PCDHGA8: variants seen among roughly 807,000 people sequenced by gnomAD.
The protein encoded by PCDHGA8 is protocadherin gamma subfamily A, 8.
PCDHGA8 carries 45 observed loss-of-function variants against 59.2 expected under a neutral mutation model. The observed-to-expected ratio is 0.76, with a 90% CI of 0.60 to 0.98. The LOEUF (loss-of-function observed/expected upper bound fraction) is 0.98, where lower values mean the gene tolerates loss of function less well. Among genes scored for constraint, PCDHGA8 ranks in the 50% least tolerant of loss-of-function variants. PCDHGA8 has a pLI of 0.00. For missense variants in PCDHGA8, 1,257 were observed against 1,196.2 expected (o/e 1.05, Z -0.75); for synonymous variants, 531 against 519.0 (o/e 1.02, Z -0.32).
chr5:141,396,725 T>A (rs1432052825), intron 1 of PCDHGA8: 2 of 152,198 alleles, frequency 1.3e-5, no homozygotes, highest in East Asian at 3.8e-4. Flanking sequence ...AATACCTGAA[T>A]TGATTGTTGT....
chr5:141,455,580 T>G (rs572453788), intron 1 of PCDHGA8, among the ~76,000 whole-genome samples: 26 of 152,142 alleles, frequency 1.7e-4, no homozygotes, highest in Middle Eastern at 3.2e-3. Context: ...ACCCCAGCCT[T>G]TTAATATGCA....
intron 1 of PCDHGA8, among the ~76,000 whole-genome samples, chr5:141,472,527 G>A (rs905459978): frequency 1.3e-5 from 2 of 151,468 alleles, no homozygotes; most frequent in African/African-American, 4.9e-5. Flanking sequence ...GTGACAGAGT[G>A]AGACACCATC....
Position 141,444,149 on chromosome 5 carries a change from T to C in PCDHGA8, c.2424+48912T>C, listed in dbSNP as rs180678850. On this transcript the variant is annotated intron_variant, in intron 1 of 3. Transcript: ENST00000398604. ...ACAGATATGTGTCACTTGTGTGTAC[T>C]GGATTTTTTTTTTTTTTTTTTTTTT... Among the ~76,000 whole-genome samples, 383 of 136,820 alleles carry C rather than the reference T, an allele frequency of 2.8e-3. 2 individuals carry two copies. Among genetic ancestry groups the C allele is most frequent in the Middle Eastern group, 0.012 (3 of 252 alleles). 89.8% of individuals were successfully genotyped at this position (136,820 alleles called of 152,430 possible). A position where few individuals can be genotyped will look rare whatever the true frequency, so the allele number is the denominator to read the frequency against.
intron 1 of PCDHGA8, among the ~76,000 whole-genome samples, chr5:141,407,707 G>C (rs894295431): frequency 1.3e-5 from 2 of 151,964 alleles, no homozygotes; most frequent in South Asian, 4.1e-4. Flanking sequence ...TTGAAGGTGG[G>C]GTGATGGCTA....
intron 1 of PCDHGA8, among the ~76,000 whole-genome samples, chr5:141,471,768 T>A (rs1203999329): frequency 6.6e-6 from 1 of 152,174 alleles, no homozygotes; most frequent in Non-Finnish European, 1.5e-5. Context: ...GGTCAAAAGA[T>A]GAGTTTGACA....
intron 1 of PCDHGA8, chr5:141,417,855 G>A: frequency 6.5e-7 from 1 of 1,544,918 alleles, no homozygotes. Context: ...GAACCCGAGC[G>A]AACGATGGGA....
chr5:141,478,454 A>T, intron 1 of PCDHGA8: 1 of 1,613,596 alleles, frequency 6.2e-7, no homozygotes. Flanking sequence ...TGGTGCAGCC[A>T]GTCCACTGGC....
rs201857404 is a variant in PCDHGA8, at chr5:141,485,844, G to C, written c.2425-8963G>C. The C allele has an allele frequency of 1.1e-5, 18 of 1,613,772 alleles. No homozygotes were observed. The highest frequency in any genetic ancestry group is 1.4e-5 in the Non-Finnish European group (16 of 1,179,956). ...GATGGAGGGAACCCGCCGAGATCTG[G>C]CACCGCAGAGCTCCGGGTATCCGTG... is the stretch of plus-strand genomic sequence containing the variant. On this transcript the variant is annotated intron_variant, in intron 1 of 3. Transcript: ENST00000398604. This position sits in a 1 kb window ranked among gnomAD's most constrained non-coding sequence, Gnocchi z 5.7.
At position 141,405,406 on chromosome 5, in the gene PCDHGA8, T is replaced by C. The variant is rs750140674; in HGVS notation, c.2424+10169T>C. On this transcript the variant is annotated intron_variant, in intron 1 of 3. Coordinates refer to ENST00000398604, the MANE Select transcript of PCDHGA8 (RefSeq NM_032088.2). ...GTTCATTTTTTTTCTTTCTTTCTTTTCTTTTTTTGTTTTTTGTTTTGTTTT... is the reference window on the plus strand; with the variant it reads ...GTTCATTTTTTTTCTTTCTTTCTTTCCTTTTTTTGTTTTTTGTTTTGTTTT... 1.2e-5 allele frequency: 19 copies of C among 1,584,070 alleles called. No individual in the cohort carries two copies. The Admixed American group carries it at 1.2e-4, about 10-fold the overall frequency.
At chr5:141,433,040 A>G in intron 1 of PCDHGA8, 1 of 1,614,086 alleles carries the variant, frequency 6.2e-7, no homozygotes, top group Non-Finnish European at 8.5e-7. Flanking sequence ...TTCCCTCACC[A>G]CGGACTCGCG....
Position 141,491,422 on chromosome 5 carries a change from G to A in PCDHGA8, c.2425-3385G>A. 1 of 1,614,112 alleles carries A rather than the reference G, an allele frequency of 6.2e-7. No individual in the cohort carries two copies. Among genetic ancestry groups the A allele is most frequent in the East Asian group, 2.2e-5 (1 of 44,874 alleles). On this transcript the variant is annotated intron_variant, in intron 1 of 3. Coordinates refer to ENST00000398604, the MANE Select transcript of PCDHGA8 (RefSeq NM_032088.2). The surrounding 1 kb of genome is among the most constrained non-coding windows in gnomAD (Gnocchi z 6.9). The stretch of plus-strand genomic sequence containing the variant: ...AAACGCAGACGGGGACGGGGGTGGA[G>A]GGCAGTGCTGCAGGCGCCAGGACTC...
Position 141,432,093 on chromosome 5 carries a change from CCAACGA to C in PCDHGA8, c.2424+36861_2424+36866del. 1.2e-6 allele frequency: 2 copies of C among 1,614,170 alleles called. No individual in the cohort carries two copies. The highest frequency in any genetic ancestry group is 1.7e-6 in the Non-Finnish European group (2 of 1,180,046). On this transcript the variant is annotated intron_variant, in intron 1 of 3. Coordinates refer to ENST00000398604, the MANE Select transcript of PCDHGA8 (RefSeq NM_032088.2). The surrounding 1 kb of genome is among the most constrained non-coding windows in gnomAD (Gnocchi z 6.0). ...CATATCTCGCTGAACGTGGCAGACA[CCAACGA>C]CAACCCGCCGGTCTTCCCTCAGGCC...
chr5:141,484,242 A>G (rs995022030), intron 1 of PCDHGA8, among the ~76,000 whole-genome samples: 1 of 152,216 alleles, frequency 6.6e-6, no homozygotes, highest in African/African-American at 2.4e-5. Flanking sequence ...TCTGGTCCTT[A>G]GCACCTCCCA....
rs745638360 is a variant in PCDHGA8, at chr5:141,410,529, A to G, written c.2424+15292A>G. Reference sequence around the variant, plus strand: ...AAATGCAGTGTGCCCCTACATTCCAATGAAGACATGGTTTGCAGTGTTTCT... The same window carrying G: ...AAATGCAGTGTGCCCCTACATTCCAGTGAAGACATGGTTTGCAGTGTTTCT... On this transcript the variant is annotated intron_variant, in intron 1 of 3. Transcript: ENST00000398604. The G allele has an allele frequency of 3.1e-6, 5 of 1,613,804 alleles. No individual in the cohort carries two copies. The Admixed American group carries it at 5.0e-5, about 16-fold the overall frequency.
chr5:141,400,459 G>T, intron 1 of PCDHGA8: 1 of 1,614,072 alleles, frequency 6.2e-7, no homozygotes, highest in African/African-American at 1.3e-5. Context: ...CATACTTTGT[G>T]GTGATTCATC....
At chr5:141,423,772 A>G (rs767998260) in intron 1 of PCDHGA8, 39 of 1,219,850 alleles carry the variant, frequency 3.2e-5, no homozygotes, top group East Asian at 1.6e-4. Context: ...GGGGCGGCAT[A>G]TATTTAGTTC....
intron 2 of PCDHGA8, among the ~76,000 whole-genome samples, chr5:141,502,250 T>A (rs915754322): frequency 2.6e-5 from 4 of 152,242 alleles, no homozygotes; most frequent in East Asian, 3.8e-4. Context: ...TCCTTTTTTT[T>A]AATCCAGGAT....
At chr5:141,425,484 TA>T (rs929097245) in intron 1 of PCDHGA8, among the ~76,000 whole-genome samples, 1 of 152,258 alleles carries the variant, frequency 6.6e-6, no homozygotes, top group African/African-American at 2.4e-5. Context: ...TATGGCAACC[TA>T]CTAGGCTATA....
At chr5:141,435,803 T>C (rs551682061) in intron 1 of PCDHGA8, among the ~76,000 whole-genome samples, 1 of 152,178 alleles carries the variant, frequency 6.6e-6, no homozygotes, top group South Asian at 2.1e-4. Context: ...ACGTCCCAAT[T>C]ATTTTTTCTT....
Sources: allele counts gnomAD v4.1 joint callset (sites outside exome capture counted in the v4.1 genomes callset), GRCh38; gene constraint gnomAD v4.1.1; non-coding constraint Gnocchi (gnomAD v3.1); transcripts MANE v1.5; gene names NCBI Gene and HGNC (gene_info 2026-07-23, HGNC 2026-07-21).